KCNN2: variants seen among roughly 807,000 people sequenced by gnomAD.
The protein encoded by KCNN2 is potassium calcium-activated channel subfamily N member 2.
Under a neutral mutation model 55.5 loss-of-function variants are expected in KCNN2, and 24 were observed. The observed-to-expected ratio is 0.43, with a 90% CI of 0.31 to 0.61. The LOEUF (loss-of-function observed/expected upper bound fraction) is 0.61, where lower values mean the gene tolerates loss of function less well. KCNN2 is among the 20% of genes least tolerant of loss of function. The pLI is 0.08. For synonymous variants in KCNN2, 431 were observed against 336.1 expected (o/e 1.28, Z -3.09); for missense variants, 754 against 853.6 (o/e 0.88, Z 1.45).
intron 2 of KCNN2, among the ~76,000 whole-genome samples, chr5:114,273,072 T>C (rs1226953719): frequency 1.3e-5 from 2 of 152,114 alleles, no homozygotes; most frequent in East Asian, 3.9e-4. Context: ...TTCCCCTCCC[T>C]GTGTCCATGT....
chr5:114,107,505 C>A (rs1751513591), intron 1 of KCNN2, among the ~76,000 whole-genome samples: 1 of 152,052 alleles, frequency 6.6e-6, no homozygotes, highest in South Asian at 2.1e-4. Flanking sequence ...CTACCTCAGC[C>A]TCCTGAATAG....
At chr5:114,150,615 G>A (rs1011750615) in intron 1 of KCNN2, among the ~76,000 whole-genome samples, 1 of 152,018 alleles carries the variant, frequency 6.6e-6, no homozygotes, top group Non-Finnish European at 1.5e-5. Flanking sequence ...TAATATGAGG[G>A]CTCAGGAATC....
chr5:114,297,137 C>T (rs1415887239), intron 2 of KCNN2, among the ~76,000 whole-genome samples: 2 of 152,050 alleles, frequency 1.3e-5, no homozygotes, highest in South Asian at 2.1e-4. Context: ...ATTAATTTTA[C>T]TATTCAGATC....
chr5:114,216,807 T>C (rs191515679), intron 1 of KCNN2, among the ~76,000 whole-genome samples: 56 of 152,136 alleles, frequency 3.7e-4, no homozygotes, highest in Admixed American at 1.0e-3. Flanking sequence ...AGTATAGAGA[T>C]TGAGAAGACA....
chr5:114,091,079 A>T (rs1054356763), intron 1 of KCNN2, among the ~76,000 whole-genome samples: 4 of 152,102 alleles, frequency 2.6e-5, no homozygotes, highest in Non-Finnish European at 5.9e-5. Context: ...TGTTCAAGTG[A>T]TCTACCTGCC....
At chr5:114,338,481 T>C (rs1756961292) in intron 2 of KCNN2, among the ~76,000 whole-genome samples, 1 of 152,236 alleles carries the variant, frequency 6.6e-6, no homozygotes, top group African/African-American at 2.4e-5. Context: ...AGAGAAGCTA[T>C]GCACCATCCT....
Position 114,495,841 on chromosome 5 carries a change from C to A in KCNN2, c.2089-54C>A, listed in dbSNP as rs201105926. On this transcript the variant is annotated intron_variant, in intron 7 of 7. Transcript: ENST00000673685. ...CAGAGCTAAACCTCTGAGAGGTGGA[C>A]AGTTTGTGTTCAGGGCAAGTATAAT... The A allele has an allele frequency of 1.8e-4, 279 of 1,525,514 alleles. 1 individual carries two copies. The South Asian group carries it at 3.2e-3, about 18-fold the overall frequency. The allele number at this position is 1,525,514 out of a possible 1,614,324, so 94.5% of individuals were successfully genotyped here. A position where few individuals can be genotyped will look rare whatever the true frequency, so the allele number is the denominator to read the frequency against.
chr5:114,433,554 C>G (rs112919413), intron 3 of KCNN2: 1 of 152,386 alleles, frequency 6.6e-6, no homozygotes, highest in Non-Finnish European at 1.5e-5. Context: ...AAGCTTTGTT[C>G]TTTCGCTCTT....
At chr5:114,245,817 C>G (rs1393159887) in intron 2 of KCNN2, among the ~76,000 whole-genome samples, 2 of 152,160 alleles carry the variant, frequency 1.3e-5, no homozygotes, top group Non-Finnish European at 2.9e-5. Context: ...GGAGAACAGT[C>G]AGGAACAGGT....
At chr5:114,139,077 A>G (rs1752224119) in intron 1 of KCNN2, among the ~76,000 whole-genome samples, 1 of 152,218 alleles carries the variant, frequency 6.6e-6, no homozygotes, top group Non-Finnish European at 1.5e-5. Context: ...CCGTATTATT[A>G]CTTGAAATAT....
At chr5:114,301,346 T>A in intron 2 of KCNN2, among the ~76,000 whole-genome samples, 1 of 152,238 alleles carries the variant, frequency 6.6e-6, no homozygotes, top group East Asian at 1.9e-4. Flanking sequence ...ATAGCTACCT[T>A]CATTCTGGTT....
intron 1 of KCNN2, among the ~76,000 whole-genome samples, chr5:114,117,418 C>T (rs1391762989): frequency 1.3e-5 from 2 of 152,214 alleles, no homozygotes; most frequent in Non-Finnish European, 2.9e-5. Flanking sequence ...CAGCTTATTC[C>T]CTGACAGGGG....
At chr5:114,421,093 T>A (rs767752852) in intron 3 of KCNN2, among the ~76,000 whole-genome samples, 2 of 152,206 alleles carry the variant, frequency 1.3e-5, no homozygotes, top group Non-Finnish European at 2.9e-5. Context: ...TTAGCTACTT[T>A]TCGATCTATT....
At chr5:114,358,626 GAAGTC>G (rs1425961566), upstream of KCNN2, among the ~76,000 whole-genome samples, 11 of 150,922 alleles carry the variant, frequency 7.3e-5, no homozygotes, top group Non-Finnish European at 1.0e-4. Context: ...CTTATCACTG[GAAGTC>G]ATAGCCCTTG....
In KCNN2 at chr5:114,252,232, A is replaced by G. The variant is rs527927991; in HGVS notation, c.-185+30667A>G. ...AAATGTTTTTTCTATTAACCTTTAT[A>G]TCTTTCTGCCCTATGTACTTAAAGT... is the stretch of plus-strand genomic sequence containing the variant. On this transcript the variant is annotated intron_variant, in intron 2 of 10. Coordinates refer to the KCNN2 transcript ENST00000512097. Among the ~76,000 whole-genome samples, 8 of 150,200 alleles carry G rather than the reference A, an allele frequency of 5.3e-5. No individual in the cohort carries two copies. The East Asian group carries it at 9.7e-4, about 18-fold the overall frequency.
At chr5:114,461,337 C>G (rs556031759) in intron 3 of KCNN2, among the ~76,000 whole-genome samples, 20 of 152,286 alleles carry the variant, frequency 1.3e-4, no homozygotes, top group African/African-American at 4.8e-4. Flanking sequence ...GACTTTACAG[C>G]TAGGTCATGG....
intron 1 of KCNN2, among the ~76,000 whole-genome samples, chr5:114,196,818 G>A (rs1026502153): frequency 6.6e-6 from 1 of 151,436 alleles, no homozygotes; most frequent in African/African-American, 2.4e-5. Context: ...GTTCTCTATT[G>A]CATTTTTATT....
At chr5:114,138,758 T>TGTAAGGATG (rs1752218707) in intron 1 of KCNN2, among the ~76,000 whole-genome samples, 1 of 152,108 alleles carries the variant, frequency 6.6e-6, no homozygotes, top group Non-Finnish European at 1.5e-5. Flanking sequence ...CCCAGATATC[T>TGTAAGGATG]GTAAGGATGG....
chr5:114,085,048 A>G (rs1470010039), intron 1 of KCNN2, among the ~76,000 whole-genome samples: 1 of 76,118 alleles, frequency 1.3e-5, no homozygotes, highest in African/African-American at 4.5e-5. Flanking sequence ...GATTATATAT[A>G]GAGACATATA....
Sources: allele counts gnomAD v4.1 joint callset (sites outside exome capture counted in the v4.1 genomes callset), GRCh38; gene constraint gnomAD v4.1.1; transcripts MANE v1.5; gene names NCBI Gene and HGNC (gene_info 2026-07-23, HGNC 2026-07-21).